KLHL4: variants seen among roughly 807,000 people sequenced by gnomAD.
KLHL4 encodes kelch-like protein 4.
KLHL4 carries 17 observed loss-of-function variants against 45.8 expected under a neutral mutation model. The observed-to-expected ratio is 0.37, with a 90% CI of 0.25 to 0.56. The LOEUF (loss-of-function observed/expected upper bound fraction) is 0.56. Among genes scored for constraint, KLHL4 ranks in the 20% least tolerant of loss-of-function variants. The probability of loss-of-function intolerance (pLI) is 0.79; values close to 1 mark genes in which losing one functional copy is unlikely to be tolerated. For missense variants in KLHL4, 544 were observed against 544.9 expected (o/e 1.00, Z 0.02); for synonymous variants, 224 against 189.9 (o/e 1.18, Z -1.47).
intron 9 of KLHL4, among the ~76,000 whole-genome samples, chrX:87,662,515 T>A (rs1459274994): frequency 8.9e-6 from 1 of 111,985 alleles, no homozygotes; most frequent in African/African-American, 3.2e-5. Context: ...TGGAAATCAA[T>A]TCTATTTCTA....
intron 1 of KLHL4, among the ~76,000 whole-genome samples, chrX:87,560,082 G>T (rs981034444): frequency 1.4e-4 from 16 of 111,716 alleles, no homozygotes; most frequent in Non-Finnish European, 5.7e-5. Flanking sequence ...ATATATAGGA[G>T]AAGTATTTAT....
At position 87,635,558 on chromosome X, in the gene KLHL4, T is replaced by A; in HGVS notation, c.1713-5T>A. 1 of 1,198,174 alleles carries A rather than the reference T, an allele frequency of 8.3e-7. No individual in the cohort carries two copies. The highest frequency in any genetic ancestry group is 1.1e-6 in the Non-Finnish European group (1 of 883,776). Reference sequence around the variant, plus strand: ...ACATACACACAATTCTGTCTTTTTATCTAGATTATATGCTATTGGTGGACG... The same window carrying A: ...ACATACACACAATTCTGTCTTTTTAACTAGATTATATGCTATTGGTGGACG... On this transcript the variant is annotated splice_region_variant and splice_polypyrimidine_tract_variant and intron_variant, in intron 8 of 10. Transcript: ENST00000373119.
At chrX:87,595,772 G>A (rs1346621738) in intron 1 of KLHL4, among the ~76,000 whole-genome samples, 1 of 111,016 alleles carries the variant, frequency 9.0e-6, no homozygotes, top group African/African-American at 3.3e-5. Flanking sequence ...ATTCAAATTA[G>A]TACCCAATTA....
chrX:87,532,719 G>T (rs1449192854), intron 1 of KLHL4, among the ~76,000 whole-genome samples: 9 of 106,478 alleles, frequency 8.5e-5, no homozygotes, highest in African/African-American at 3.1e-4. Context: ...GTTCACTCAT[G>T]ATTTGGCTCT....
chrX:87,663,148 A>G (rs1293851390), intron 9 of KLHL4, among the ~76,000 whole-genome samples: 2 of 110,170 alleles, frequency 1.8e-5, no homozygotes, highest in Non-Finnish European at 3.8e-5. Context: ...AATGTTAATG[A>G]GAAAATTGAG....
chrX:87,518,429 A>G, intron 1 of KLHL4, 114 bp downstream of exon 1: 2 of 629,536 alleles, frequency 3.2e-6, no homozygotes, highest in Non-Finnish European at 4.8e-6. Flanking sequence ...GTTTGTATTC[A>G]GCCAATCAGA....
At chrX:87,542,253 C>A (rs1931576206) in intron 1 of KLHL4, among the ~76,000 whole-genome samples, 1 of 111,983 alleles carries the variant, frequency 8.9e-6, no homozygotes, top group Non-Finnish European at 1.9e-5. Context: ...GAAAAGAACC[C>A]CTTTTCTGGG....
At chrX:87,621,336 C>A (rs1278182966) in intron 4 of KLHL4, among the ~76,000 whole-genome samples, 1 of 110,315 alleles carries the variant, frequency 9.1e-6, no homozygotes, top group Non-Finnish European at 1.9e-5. Flanking sequence ...AATGATCATT[C>A]TGTTGTCAAA....
chrX:87,523,958 G>A (rs184228132), intron 1 of KLHL4, among the ~76,000 whole-genome samples: 15 of 110,363 alleles, frequency 1.4e-4, no homozygotes, highest in Admixed American at 6.8e-4. Context: ...GTGAAACTCC[G>A]TCTCAAAAAA....
Position 87,627,370 on chromosome X carries a change from T to C in KLHL4, c.1324+1574T>C, listed in dbSNP as rs149117063. Among the ~76,000 whole-genome samples the C allele has an allele frequency of 5.1e-3, 573 of 111,431 alleles. 3 individuals carry two copies. The highest frequency in any genetic ancestry group is 0.018 in the African/African-American group (557 of 30,692). On this transcript the variant is annotated intron_variant, in intron 6 of 10. Coordinates refer to ENST00000373119, the MANE Select transcript of KLHL4 (RefSeq NM_019117.5). ...GGAAAGGGGATAGAAAAAAAAAAGT[T>C]TAAAAACTTGGTTTGAAGTCCTACT...
intron 5 of KLHL4, among the ~76,000 whole-genome samples, chrX:87,623,896 CAT>C (rs1301331888): frequency 8.9e-6 from 1 of 111,756 alleles, no homozygotes; most frequent in Non-Finnish European, 1.9e-5. Context: ...AGTTCTATGA[CAT>C]ATGAGATTCT....
At chrX:87,618,607 T>C (rs1319328710) in intron 4 of KLHL4, among the ~76,000 whole-genome samples, 2 of 111,358 alleles carry the variant, frequency 1.8e-5, no homozygotes, top group Non-Finnish European at 1.9e-5. Context: ...TTTAAGTGAT[T>C]CTCCTGCCTC....
At chrX:87,585,920 GA>G (rs1921454784) in intron 1 of KLHL4, among the ~76,000 whole-genome samples, 2 of 110,848 alleles carry the variant, frequency 1.8e-5, no homozygotes, top group Admixed American at 9.6e-5. Flanking sequence ...GAAAAATAAA[GA>G]GATGGAAAAA....
chrX:87,657,536 G>A (rs775408752), intron 9 of KLHL4, among the ~76,000 whole-genome samples: 4 of 112,103 alleles, frequency 3.6e-5, no homozygotes, highest in East Asian at 2.8e-4. Context: ...CAGCTGGGGT[G>A]GTGTGGGTGA....
chrX:87,620,631 T>C (rs1057509597), intron 4 of KLHL4, among the ~76,000 whole-genome samples: 1 of 112,249 alleles, frequency 8.9e-6, no homozygotes, highest in Non-Finnish European at 1.9e-5. Flanking sequence ...AGTTTTATAG[T>C]TTTATATTTG....
At chrX:87,602,965 A>T (rs1481718708) in intron 1 of KLHL4, among the ~76,000 whole-genome samples, 1 of 111,736 alleles carries the variant, frequency 8.9e-6, no homozygotes, top group Non-Finnish European at 1.9e-5. Context: ...TATTATTAAA[A>T]TTGTCTTTTA....
chrX:87,664,270 T>C (rs1174057556), intron 9 of KLHL4, among the ~76,000 whole-genome samples: 2 of 111,992 alleles, frequency 1.8e-5, no homozygotes, highest in African/African-American at 6.5e-5. Context: ...ATGACCATTC[T>C]ATCTGCAAAT....
At chrX:87,607,591 C>A (rs1013498345) in intron 1 of KLHL4, among the ~76,000 whole-genome samples, 4 of 111,586 alleles carry the variant, frequency 3.6e-5, no homozygotes, top group Admixed American at 9.6e-5. Context: ...GTATTTTGTG[C>A]CTGTATCTAA....
chrX:87,618,157 T>C, intron 4 of KLHL4, 29 bp downstream of exon 4: 1 of 1,058,444 alleles, frequency 9.4e-7, no homozygotes, highest in Non-Finnish European at 1.3e-6. Flanking sequence ...ACTGAACTTG[T>C]AGTAAAAATA....
Sources: allele counts gnomAD v4.1 joint callset (sites outside exome capture counted in the v4.1 genomes callset), GRCh38; gene constraint gnomAD v4.1.1; transcripts MANE v1.5; gene names NCBI Gene and HGNC (gene_info 2026-07-23, HGNC 2026-07-21).